Variants in KANSL2 observed in about 807,000 individuals in gnomAD.
The protein encoded by KANSL2 is NSL complex protein NSL2.
KANSL2 carries 34 observed loss-of-function variants against 55.6 expected under a neutral mutation model. The ratio of observed to expected loss-of-function variants is 0.61; its 90% CI spans 0.46 to 0.81. KANSL2 has a LOEUF of 0.81. Ranked by LOEUF, KANSL2 falls within the 40% of genes least tolerant of loss-of-function variation. The pLI is 0.00. For missense variants in KANSL2, 502 were observed against 609.9 expected (o/e 0.82, Z 1.86); for synonymous variants, 209 against 214.3 (o/e 0.98, Z 0.22).
At chr12:48,681,287 C>G in intron 2 of KANSL2, 95 bp downstream of exon 2, 2 of 1,427,952 alleles carry the variant, frequency 1.4e-6, no homozygotes, top group East Asian at 2.3e-5. Context: ...TTTACAAGGA[C>G]AAAATCTCAA....
intron 5 of KANSL2, among the ~76,000 whole-genome samples, chr12:48,669,509 G>T (rs889239464): frequency 4.0e-5 from 6 of 151,726 alleles, no homozygotes; most frequent in African/African-American, 1.5e-4. Context: ...TTATAACAAA[G>T]CTGGAAAAAA....
At chr12:48,659,021 T>C (rs1939442002) in intron 8 of KANSL2, among the ~76,000 whole-genome samples, 1 of 152,152 alleles carries the variant, frequency 6.6e-6, no homozygotes, top group Non-Finnish European at 1.5e-5. Context: ...ACGCCAGGAA[T>C]GGTGAATCAT....
At chr12:48,679,282 A>C (rs1272920586) in intron 3 of KANSL2, 132 bp from the exon 4 acceptor site, 2 of 728,268 alleles carry the variant, frequency 2.7e-6, no homozygotes, top group Admixed American at 4.2e-5. Flanking sequence ...CACTTAGTAC[A>C]AAGGTACTGG....
At position 48,678,988 on chromosome 12, in the gene KANSL2, C is replaced by T. The variant is rs1179662751; in HGVS notation, c.545+48G>A. On this transcript the variant is annotated intron_variant, in intron 4 of 9. Coordinates refer to ENST00000420613, the MANE Select transcript of KANSL2 (RefSeq NM_017822.4). ...TATTAACAGCATGCAGCACTACATT[C>T]CACATACTAACTACATTTCAAATGC... is the stretch of plus-strand genomic sequence containing the variant. 10 of 1,331,994 alleles carry T rather than the reference C, an allele frequency of 7.5e-6. No homozygotes were observed. In the Admixed American group the frequency reaches 1.8e-4, roughly 24 times the overall value. The allele number at this position is 1,331,994 out of a possible 1,614,324, so 82.5% of individuals were successfully genotyped here.
chr12:48,673,646 C>T (rs1414277737), intron 4 of KANSL2, among the ~76,000 whole-genome samples: 1 of 151,454 alleles, frequency 6.6e-6, no homozygotes, highest in Non-Finnish European at 1.5e-5. Flanking sequence ...CTGATTTATG[C>T]AATCAAAATT....
chr12:48,664,135 G>A (rs1206840568), intron 7 of KANSL2, among the ~76,000 whole-genome samples: 2 of 151,736 alleles, frequency 1.3e-5, no homozygotes, highest in Non-Finnish European at 2.9e-5. Flanking sequence ...AGCTGGTCTC[G>A]AACCCCTGAC....
chr12:48,657,719 C>T (rs1269766551), intron 8 of KANSL2, among the ~76,000 whole-genome samples: 3 of 151,998 alleles, frequency 2.0e-5, no homozygotes, highest in Non-Finnish European at 2.9e-5. Flanking sequence ...TGGGTTCAAG[C>T]GATTCTCCTG....
rs1203988265 is a variant in KANSL2, at chr12:48,679,782, A to G, written c.303T>C (p.Ala101=). The G allele has an allele frequency of 1.2e-6, 2 of 1,608,894 alleles. No homozygotes were observed. Among genetic ancestry groups the G allele is most frequent in the East Asian group, 4.5e-5 (2 of 44,792 alleles). ...GCCCTGGGTTGGTCTTCTTCATTTG[A>G]GCATGAAGTGCCAGGGCATTCCTAC... ...HVRRNALALH[A]QMKKTNPGPV... The change falls in exon 3 of 10, where the codon GCT becomes GCC. Residue 101 remains alanine (A), a synonymous_variant. Transcript: ENST00000420613.
Position 48,658,861 on chromosome 12 carries a change from G to A in KANSL2, c.1227+1505C>T, listed in dbSNP as rs1200733317. Among the ~76,000 whole-genome samples, 4 of 152,242 alleles carry A rather than the reference G, an allele frequency of 2.6e-5. No individual in the cohort carries two copies. The East Asian group carries it at 7.7e-4, about 29-fold the overall frequency. ...GGAACTCAAAAGTAGTAAGATTAAG[G>A]TGTTAAGTTACTACTTGCCAACCAT... On this transcript the variant is annotated intron_variant, in intron 8 of 9. Coordinates refer to ENST00000420613, the MANE Select transcript of KANSL2 (RefSeq NM_017822.4).
chr12:48,667,987 T>A (rs1008058729), intron 6 of KANSL2, among the ~76,000 whole-genome samples, 198 bp from the exon 7 acceptor site: 1 of 152,204 alleles, frequency 6.6e-6, no homozygotes, highest in African/African-American at 2.4e-5. Flanking sequence ...CAATCCCAAA[T>A]ACACCTCTCC....
intron 8 of KANSL2, among the ~76,000 whole-genome samples, chr12:48,655,674 CA>C (rs1185649718): frequency 3.9e-5 from 6 of 151,952 alleles, no homozygotes; most frequent in African/African-American, 1.5e-4. Flanking sequence ...TTAAAAAGTA[CA>C]AAGTTTCTGT....
intron 6 of KANSL2, among the ~76,000 whole-genome samples, 160 bp downstream of exon 6, chr12:48,668,946 G>A (rs1592103924): frequency 6.6e-6 from 1 of 152,150 alleles, no homozygotes; most frequent in Non-Finnish European, 1.5e-5. Flanking sequence ...TGAGGCAGGA[G>A]AATTGCTTGA....
Position 48,679,065 on chromosome 12 carries a change from G to A in KANSL2, c.516C>T (p.Ser172=). The change falls in exon 4 of 10, where the codon AGC becomes AGT. Residue 172 remains serine, a synonymous_variant. Coordinates refer to ENST00000420613, the MANE Select transcript of KANSL2 (RefSeq NM_017822.4). The stretch of plus-strand genomic sequence containing the variant: ...GGGGATCTTCTTGATCACTGTCTAT[G>A]CTATCAGCTTCACTGTCAGGGTCAC... The part of the protein sequence containing the change: ...WRGDPDSEAD[S]IDSDQEDPLK... 6.2e-7 allele frequency: 1 copy of A among 1,613,518 alleles called. No homozygotes were observed. The highest frequency in any genetic ancestry group is 8.5e-7 in the Non-Finnish European group (1 of 1,179,538).
At chr12:48,679,906 CT>C (rs550950262) in intron 2 of KANSL2, 73 bp from the exon 3 acceptor site, 3 of 1,232,182 alleles carry the variant, frequency 2.4e-6, no homozygotes, top group Non-Finnish European at 3.4e-6. Context: ...AGTCCCTAAT[CT>C]TTAAATCATT....
At chr12:48,673,811 C>T (rs1247111810) in intron 4 of KANSL2, among the ~76,000 whole-genome samples, 1 of 151,768 alleles carries the variant, frequency 6.6e-6, no homozygotes, top group Non-Finnish European at 1.5e-5. Context: ...GTTAGCTGGG[C>T]ACGGTGGTGT....
chr12:48,654,245 A>G (rs1939334873), intron 9 of KANSL2, 70 bp from the exon 10 acceptor site: 2 of 1,457,756 alleles, frequency 1.4e-6, no homozygotes, highest in South Asian at 2.5e-5. Flanking sequence ...AATCTGACTT[A>G]TCAGTGGCCA....
chr12:48,654,886 T>A (rs572108198), intron 9 of KANSL2, 55 bp downstream of exon 9: 2 of 1,542,738 alleles, frequency 1.3e-6, no homozygotes, highest in African/African-American at 2.7e-5. Context: ...CAGGGAACCC[T>A]CTGCCTGGCC....
rs565027693 is a variant in KANSL2, at chr12:48,654,130, G to C, written c.1393C>G (p.Arg465Gly). The change falls in exon 10 of 10, where the codon CGA becomes GGA. Residue 465 changes from arginine (R) to glycine (G), a missense_variant. Arg to Gly is a moderately radical substitution (Grantham distance 125, BLOSUM62 -2). Coordinates refer to ENST00000420613, the MANE Select transcript of KANSL2 (RefSeq NM_017822.4). Reference protein sequence around the residue: ...AGDGCRSQGSRNSEKASAPLS... With the variant: ...AGDGCRSQGSGNSEKASAPLS... ...GGTGCAGAGGCTTTCTCAGAATTTC[G>C]AGATCCCTGGGATCTGCACCCATCT... The C allele has an allele frequency of 1.2e-6, 2 of 1,612,940 alleles. No individual in the cohort carries two copies. Among genetic ancestry groups the C allele is most frequent in the Admixed American group, 3.3e-5 (2 of 59,838 alleles).
chr12:48,663,394 T>G (rs1260760952), intron 7 of KANSL2, among the ~76,000 whole-genome samples: 2 of 152,186 alleles, frequency 1.3e-5, no homozygotes, highest in African/African-American at 2.4e-5. Context: ...TATTTTAAAT[T>G]TTATTTTAAA....
Sources: gnomAD v4.1 joint callset for allele counts (sites outside exome capture counted in the v4.1 genomes callset) on GRCh38, gnomAD v4.1.1 for gene constraint, MANE v1.5 for transcripts, NCBI Gene and HGNC (gene_info 2026-07-23, HGNC 2026-07-21) for gene names.